PDZD2: variants seen among roughly 807,000 people sequenced by gnomAD.
The protein encoded by PDZD2 is PDZ domain containing 2, also known as PDZ domain-containing protein 2.
In PDZD2, 90 loss-of-function variants were observed where a neutral mutation model predicts 220.7. The observed-to-expected ratio is 0.41, with a 90% CI of 0.34 to 0.49. The LOEUF is 0.49. Among genes scored for constraint, PDZD2 ranks in the 20% least tolerant of loss-of-function variants. The pLI is 0.28. For synonymous variants in PDZD2, 1,375 were observed against 1,450.5 expected, an observed-to-expected ratio of 0.95 and a Z score of 1.18; for missense variants, 3,174 against 3,608.5, an observed-to-expected ratio of 0.88 and a Z score of 3.08.
intron 2 of PDZD2, among the ~76,000 whole-genome samples, chr5:31,874,934 T>A (rs1739171959): frequency 6.6e-6 from 1 of 152,170 alleles, no homozygotes; most frequent in Non-Finnish European, 1.5e-5. Flanking sequence ...AAACCCCAGC[T>A]CCATTCCATT....
At chr5:31,918,545 C>G (rs1743883610) in intron 2 of PDZD2, among the ~76,000 whole-genome samples, 1 of 152,224 alleles carries the variant, frequency 6.6e-6, no homozygotes, top group Non-Finnish European at 1.5e-5. Flanking sequence ...TTCTGACTGT[C>G]TCAGGGATAA....
At chr5:31,692,746 A>C (rs1747195166) in intron 1 of PDZD2, 1 of 152,502 alleles carries the variant, frequency 6.6e-6, no homozygotes, top group African/African-American at 2.4e-5. Context: ...GCCTTCTTGT[A>C]CATGCAGGGC....
At position 32,090,450 on chromosome 5, in the gene PDZD2, T is replaced by C. The variant is rs368769625; in HGVS notation, c.7002T>C (p.Ser2334=). The C allele has an allele frequency of 1.2e-4, 197 of 1,614,092 alleles. 1 individual carries two copies. The Middle Eastern group carries it at 1.3e-3, about 11-fold the overall frequency. Residue 2334 remains serine (S), a synonymous_variant, in exon 20 of 25, where the codon TCT becomes TCC. Coordinates refer to ENST00000438447, the MANE Select transcript of PDZD2 (RefSeq NM_178140.4). The surrounding 1 kb of genome is among the most constrained non-coding windows in gnomAD (Gnocchi z 4.3). ...CCCATGAATCTACCTCATTTTTCTCTGTGAAGCAGCGGATCAAGTCTTTTG... is the reference window on the plus strand; with the variant it reads ...CCCATGAATCTACCTCATTTTTCTCCGTGAAGCAGCGGATCAAGTCTTTTG... The part of the protein sequence containing the change: ...NWPHESTSFF[S]VKQRIKSFEN...
At position 32,015,236 on chromosome 5, in the gene PDZD2, C is replaced by G. The variant is rs573991009; in HGVS notation, c.1407+4754C>G. On this transcript the variant is annotated intron_variant, in intron 6 of 24. Transcript: ENST00000438447. ...GGATTACAGTCGGTAGCCACCGCACCTAGCCCGACAATTTCTTTTTTTCTA... is the reference window on the plus strand; with the variant it reads ...GGATTACAGTCGGTAGCCACCGCACGTAGCCCGACAATTTCTTTTTTTCTA... Among the ~76,000 whole-genome samples, 10 of 152,144 alleles carry G rather than the reference C, an allele frequency of 6.6e-5. No individual in the cohort carries two copies. In the East Asian group the frequency reaches 1.9e-3, roughly 30 times the overall value.
chr5:32,072,301 G>T lies in PDZD2; in HGVS notation c.2709G>T (p.Leu903=). The T allele has an allele frequency of 6.2e-7, 1 of 1,612,756 alleles. No homozygotes were observed. The highest frequency in any genetic ancestry group is 1.1e-5 in the South Asian group (1 of 90,946). ...SGCSTSEEGS[L]PPSTSTHKEP... Reference sequence around the variant, plus strand: ...GCAGCACGTCGGAGGAGGGCAGCCTGCCTCCCAGCACCTCCAGTAAGCAGG... The same window carrying T: ...GCAGCACGTCGGAGGAGGGCAGCCTTCCTCCCAGCACCTCCAGTAAGCAGG... The change falls in exon 17 of 25, where the codon CTG becomes CTT. Residue 903 remains leucine (L), a synonymous_variant. Coordinates refer to ENST00000438447, the MANE Select transcript of PDZD2 (RefSeq NM_178140.4).
At chr5:31,869,815 T>G (rs1338736256) in intron 2 of PDZD2, among the ~76,000 whole-genome samples, 1 of 152,130 alleles carries the variant, frequency 6.6e-6, no homozygotes, top group East Asian at 1.9e-4. Context: ...GAGCTCACAG[T>G]CTTAATTCCT....
chr5:32,011,325 C>CA (rs1240119979), intron 6 of PDZD2, among the ~76,000 whole-genome samples: 9 of 122,684 alleles, frequency 7.3e-5, no homozygotes, highest in African/African-American at 2.6e-4. Context: ...CCCATCTTTA[C>CA]AAAAAATACA....
chr5:31,673,067 C>T (rs1746278388), intron 1 of PDZD2, among the ~76,000 whole-genome samples: 1 of 152,152 alleles, frequency 6.6e-6, no homozygotes, highest in Admixed American at 6.5e-5. Flanking sequence ...GGCTACTGCC[C>T]TGTAGAGCTC....
intron 2 of PDZD2, among the ~76,000 whole-genome samples, chr5:31,904,341 G>A (rs542339129): frequency 1.3e-5 from 2 of 152,274 alleles, no homozygotes; most frequent in South Asian, 2.1e-4. Context: ...TGCTGTGGGC[G>A]AGGCTGGTCA....
intron 1 of PDZD2, among the ~76,000 whole-genome samples, chr5:31,652,278 C>T (rs1487037919): frequency 6.6e-6 from 1 of 152,126 alleles, no homozygotes; most frequent in Non-Finnish European, 1.5e-5. Flanking sequence ...CAGGTGTGAG[C>T]CACCGCCCTG....
In PDZD2 at chr5:32,072,190, C is replaced by G. The variant is rs1740811026; in HGVS notation, c.2598C>G (p.Ser866=). 1 of 1,613,178 alleles carries G rather than the reference C, an allele frequency of 6.2e-7. No individual in the cohort carries two copies. Among genetic ancestry groups the G allele is most frequent in the Non-Finnish European group, 8.5e-7 (1 of 1,179,326 alleles). ...KDSLISESEL[S]QYFAHDVPGP... is the part of the protein sequence containing the mutation. ...CCCTTATTTCTGAATCTGAACTCTC[C>G]CAGTACTTTGCCCACGATGTCCCTG... Residue 866 remains serine, a synonymous_variant, in exon 17 of 25, where the codon TCC becomes TCG. Coordinates refer to ENST00000438447, the MANE Select transcript of PDZD2 (RefSeq NM_178140.4).
In PDZD2 at chr5:31,675,991, C is replaced by T. The variant is rs1018863080; in HGVS notation, c.-361+36554C>T. On this transcript the variant is annotated intron_variant, in intron 1 of 24. Transcript: ENST00000438447. The stretch of plus-strand genomic sequence containing the variant: ...TGTTGGGATTACAGGCGTGAGCCAC[C>T]GTGCCCAGCCTCCTTGAAGAACTTT... 2.6e-5 allele frequency among the ~76,000 whole-genome samples: 4 copies of T among 152,194 alleles called. No individual in the cohort carries two copies. The South Asian group carries it at 6.2e-4, about 24-fold the overall frequency.
At chr5:31,954,932 G>A (rs1204505955) in intron 2 of PDZD2, among the ~76,000 whole-genome samples, 1 of 151,922 alleles carries the variant, frequency 6.6e-6, no homozygotes, top group Non-Finnish European at 1.5e-5. Context: ...GAGAGACTCT[G>A]TCTCAAAAAA....
intron 1 of PDZD2, among the ~76,000 whole-genome samples, chr5:31,774,719 C>CAA (rs931961841): frequency 7.1e-6 from 1 of 140,696 alleles, no homozygotes; most frequent in Non-Finnish European, 1.6e-5. Flanking sequence ...AACTCCCTCT[C>CAA]AAAAAAAAAA....
rs1738741714 is a variant in PDZD2 at position 32,053,096 on chromosome 5, G to A, written c.1785+366G>A. Among the ~76,000 whole-genome samples, 4 of 152,214 alleles carry A rather than the reference G, an allele frequency of 2.6e-5. No individual in the cohort carries two copies. In the South Asian group the frequency reaches 8.3e-4, roughly 32 times the overall value. On this transcript the variant is annotated intron_variant, in intron 9 of 24. Transcript: ENST00000438447. The stretch of plus-strand genomic sequence containing the variant: ...ATTCAAGTGGATTCCCTGGCATTCT[G>A]TACCATAGGTCTCAGTGTGAGATGG...
intron 1 of PDZD2, among the ~76,000 whole-genome samples, chr5:31,645,016 T>C (rs189865023): frequency 6.6e-6 from 1 of 152,208 alleles, no homozygotes; most frequent in East Asian, 1.9e-4. Context: ...AATGAAATAA[T>C]AGCAAGGAGA....
At chr5:31,718,398 G>C (rs1021449109) in intron 1 of PDZD2, among the ~76,000 whole-genome samples, 1 of 152,222 alleles carries the variant, frequency 6.6e-6, no homozygotes, top group Non-Finnish European at 1.5e-5. Context: ...TTGAGGCTGG[G>C]AGGCCTGAAA....
chr5:31,851,009 G>A (rs1197861391), intron 2 of PDZD2, among the ~76,000 whole-genome samples: 5 of 152,046 alleles, frequency 3.3e-5, no homozygotes, highest in African/African-American at 9.7e-5. Context: ...CAGCTGGTCG[G>A]TATCCTCTTT....
chr5:31,762,817 G>A (rs768605813), intron 1 of PDZD2, among the ~76,000 whole-genome samples: 18 of 152,174 alleles, frequency 1.2e-4, no homozygotes, highest in Non-Finnish European at 2.5e-4. Context: ...ATTGGGAGTT[G>A]GATTTGAGAG....
Sources: allele counts gnomAD v4.1 joint callset (sites outside exome capture counted in the v4.1 genomes callset), GRCh38; gene constraint gnomAD v4.1.1; non-coding constraint Gnocchi (gnomAD v3.1); transcripts MANE v1.5; gene names NCBI Gene and HGNC (gene_info 2026-07-23, HGNC 2026-07-21).